YY1AP1: variants seen among roughly 807,000 people sequenced by gnomAD.
YY1AP1 encodes the protein YY1-associated protein 1.
YY1AP1 carries 43 observed loss-of-function variants against 39.9 expected under a neutral mutation model. The ratio of observed to expected loss-of-function variants is 1.08; its 90% CI spans 0.84 to 1.39. The LOEUF is 1.39. Ranked by LOEUF, YY1AP1 falls within the 40% of genes most tolerant of loss-of-function variation. YY1AP1 has a pLI of 0.00. For missense variants in YY1AP1, 813 were observed against 900.7 expected (o/e 0.90, Z 1.25); for synonymous variants, 292 against 331.3 (o/e 0.88, Z 1.29).
chr1:155,670,674 ACT>A, intron 7 of YY1AP1: 3 of 416,780 alleles, frequency 7.2e-6, no homozygotes, highest in Admixed American at 4.3e-5. Flanking sequence ...ATAAAAGTTG[ACT>A]TTTTTTTTTT....
chr1:155,674,611 G>C (rs1049022221), intron 6 of YY1AP1: 2 of 180,324 alleles, frequency 1.1e-5, no homozygotes, highest in South Asian at 2.1e-4. Context: ...CAGATCACTT[G>C]AAGTCAGGAA....
At chr1:155,670,548 GGTAGAGCT>G in intron 7 of YY1AP1, 84 bp from the exon 8 acceptor site, 2 of 1,465,478 alleles carry the variant, frequency 1.4e-6, no homozygotes, top group South Asian at 2.4e-5. Flanking sequence ...TTTGCATTTA[GGTAGAGCT>G]GTCCTTATCT....
At chr1:155,667,913 TAC>T (rs1649260310) in intron 9 of YY1AP1, among the ~76,000 whole-genome samples, 1 of 150,888 alleles carries the variant, frequency 6.6e-6, no homozygotes, top group African/African-American at 2.4e-5. Flanking sequence ...AATACATACA[TAC>T]ATACATACAT....
rs58729810 is a variant in YY1AP1, at chr1:155,672,369, C to T, written c.583+191G>A. 2.9e-3 allele frequency: 2,583 copies of T among 889,706 alleles called. 33 individuals are homozygous for T. The African/African-American group carries it at 0.033, about 11-fold the overall frequency. 55.1% of individuals were successfully genotyped at this position (889,706 alleles called of 1,614,324 possible). On this transcript the variant is annotated intron_variant, in intron 7 of 10. Coordinates refer to ENST00000355499, the MANE Select transcript of YY1AP1 (RefSeq NM_139119.3). ...ACTGCCTCCATGCCTTACCCAGGCC[C>T]GGAGATTATCATGTAATTCTAGAAC... is the stretch of plus-strand genomic sequence containing the variant.
intron 2 of YY1AP1, among the ~76,000 whole-genome samples, chr1:155,687,102 G>A (rs678221): frequency 5.3e-4 from 80 of 151,958 alleles, no homozygotes; most frequent in Admixed American, 9.2e-4. Context: ...GTATCACAAA[G>A]AAACTGAAAG....
upstream of YY1AP1, chr1:155,688,855 G>T: frequency 5.0e-6 from 8 of 1,599,390 alleles, no homozygotes; most frequent in Admixed American, 1.7e-5. Flanking sequence ...GAGAGGAAGG[G>T]ACCGGCAAAG....
Position 155,681,923 on chromosome 1 carries a change from G to A in YY1AP1, c.-20-1467C>T, listed in dbSNP as rs138325279. The stretch of plus-strand genomic sequence containing the variant: ...TGGTCTTGAACTCCTGGGCTCCAGC[G>A]ATCCTCCCACCTCATCCTCCCAAAG... On this transcript the variant is annotated intron_variant, in intron 2 of 10. Coordinates refer to ENST00000355499, the MANE Select transcript of YY1AP1 (RefSeq NM_139119.3). Among the ~76,000 whole-genome samples, 103 of 149,390 alleles carry A rather than the reference G, an allele frequency of 6.9e-4. 4 individuals carry two copies. The East Asian group carries it at 0.015, about 21-fold the overall frequency.
chr1:155,683,850 A>G (rs186298184), intron 2 of YY1AP1, among the ~76,000 whole-genome samples: 1 of 152,190 alleles, frequency 6.6e-6, no homozygotes, highest in Admixed American at 6.5e-5. Context: ...TAAGCAGGTA[A>G]AAAGAGCTGG....
chr1:155,665,474 C>T (rs1421292543), intron 9 of YY1AP1, among the ~76,000 whole-genome samples: 6 of 151,890 alleles, frequency 4.0e-5, no homozygotes, highest in Non-Finnish European at 7.4e-5. Context: ...TGGCATGTGC[C>T]TATAATCCCA....
intron 2 of YY1AP1, among the ~76,000 whole-genome samples, chr1:155,683,065 G>A (rs904610520): frequency 6.6e-5 from 10 of 151,076 alleles, no homozygotes; most frequent in East Asian, 2.0e-4. Flanking sequence ...CAGCCTGGGC[G>A]ACAAGAGCGA....
At chr1:155,665,292 A>G (rs1648801672) in intron 9 of YY1AP1, among the ~76,000 whole-genome samples, 1 of 151,836 alleles carries the variant, frequency 6.6e-6, no homozygotes, top group Admixed American at 6.6e-5. Flanking sequence ...TTTTTAAAAA[A>G]AAGCTACTAG....
chr1:155,678,997 T>C (rs1271196582), intron 4 of YY1AP1, among the ~76,000 whole-genome samples: 2 of 152,208 alleles, frequency 1.3e-5, no homozygotes, highest in Non-Finnish European at 2.9e-5. Context: ...GCTTCAGGGT[T>C]TGCTCCACTA....
At chr1:155,683,257 C>T (rs1651772899) in intron 2 of YY1AP1, among the ~76,000 whole-genome samples, 1 of 152,104 alleles carries the variant, frequency 6.6e-6, no homozygotes, top group African/African-American at 2.4e-5. Context: ...TTGTCCATCA[C>T]TGTATCTTAG....
At chr1:155,675,168 T>C in intron 5 of YY1AP1, 72 bp from the exon 6 acceptor site, 1 of 1,462,872 alleles carries the variant, frequency 6.8e-7, no homozygotes. Context: ...AGATATTTTT[T>C]TTTCCCCCTG....
intron 8 of YY1AP1, 44 bp from the exon 9 acceptor site, chr1:155,668,821 C>T: frequency 6.2e-7 from 1 of 1,613,774 alleles, no homozygotes; most frequent in Non-Finnish European, 8.5e-7. Context: ...CACAGTCCTT[C>T]CTTCTAAAGG....
At chr1:155,680,281 A>G (rs1651329445) in intron 3 of YY1AP1, 135 bp downstream of exon 3, 2 of 942,886 alleles carry the variant, frequency 2.1e-6, no homozygotes, top group Non-Finnish European at 3.2e-6. Context: ...TTGTCATTAT[A>G]TTCTTTCCCA....
Position 155,670,465 on chromosome 1 carries a change from C to T in YY1AP1, c.584-1G>A. The T allele has an allele frequency of 1.2e-6, 2 of 1,613,732 alleles. No individual in the cohort carries two copies. The highest frequency in any genetic ancestry group is 1.7e-6 in the Non-Finnish European group (2 of 1,179,928). ...TTTGGCAAACAGGGAAATTCATTGG[C>T]TATAAGAAAATAAATCTCTGATAAA... On this transcript the variant is annotated splice_acceptor_variant, in intron 7 of 10. Transcript: ENST00000355499. LOFTEE classifies it high-confidence loss of function.
Position 155,676,576 on chromosome 1 carries a change from C to T in YY1AP1, c.296G>A (p.Arg99Lys). The change falls in exon 5 of 11, where the codon AGG (arginine) becomes AAG (lysine). Residue 99 changes from arginine (R) to lysine (K), a missense_variant. Coordinates refer to ENST00000355499, the MANE Select transcript of YY1AP1 (RefSeq NM_139119.3). ...CTGCATCTGCTGCTGGAGTCTCTTCCTTTGTGCTGGGTCCAGAATCAGGGT... is the reference window on the plus strand; with the variant it reads ...CTGCATCTGCTGCTGGAGTCTCTTCTTTTGTGCTGGGTCCAGAATCAGGGT... ...HQTLILDPAQ[R>K]KRLQQQMQQH... 6.2e-7 allele frequency: 1 copy of T among 1,614,198 alleles called. No homozygotes were observed. The highest frequency in any genetic ancestry group is 1.1e-5 in the South Asian group (1 of 91,086).
At chr1:155,672,890 C>T (rs1238116367) in intron 6 of YY1AP1, 159 bp from the exon 7 acceptor site, 3 of 983,786 alleles carry the variant, frequency 3.0e-6, no homozygotes, top group Non-Finnish European at 4.6e-6. Context: ...TAAGATTATG[C>T]CTGAGTTCTC....
Sources: allele counts gnomAD v4.1 joint callset (sites outside exome capture counted in the v4.1 genomes callset), GRCh38; gene constraint gnomAD v4.1.1; transcripts MANE v1.5; gene names NCBI Gene and HGNC (gene_info 2026-07-23, HGNC 2026-07-21).